FRAS1: variants seen among roughly 807,000 people sequenced by gnomAD.
FRAS1 encodes the protein Fraser extracellular matrix complex subunit 1, also known as extracellular matrix organizing protein FRAS1.
FRAS1 carries 290 observed loss-of-function variants against 435.2 expected under a neutral mutation model. The ratio of observed to expected loss-of-function variants is 0.67; its 90% CI spans 0.61 to 0.73. FRAS1 has a LOEUF of 0.73. Ranked by LOEUF, FRAS1 falls within the 30% of genes least tolerant of loss-of-function variation. FRAS1 has a pLI of 0.00. For missense variants in FRAS1, 4,860 were observed against 5,001.5 expected (o/e 0.97, Z 0.85); for synonymous variants, 1,800 against 1,851.0 (o/e 0.97, Z 0.71).
In FRAS1 at chr4:78,401,909, G is replaced by A. The variant is rs374351853; in HGVS notation, c.4129+1022G>A. Reference sequence around the variant, plus strand: ...AAACTAATAGAAACTACCACAGAAGGCCTACTCTCTGCTAGGCTACGTGGG... The same window carrying A: ...AAACTAATAGAAACTACCACAGAAGACCTACTCTCTGCTAGGCTACGTGGG... On this transcript the variant is annotated intron_variant, in intron 30 of 73. Transcript: ENST00000512123. 4.5e-4 allele frequency among the ~76,000 whole-genome samples: 68 copies of A among 151,730 alleles called. No individual in the cohort carries two copies. The East Asian group carries it at 9.7e-3, about 22-fold the overall frequency.
At chr4:78,268,350 G>C (rs1180295821) in intron 9 of FRAS1, among the ~76,000 whole-genome samples, 2 of 152,172 alleles carry the variant, frequency 1.3e-5, no homozygotes, top group Non-Finnish European at 2.9e-5. Context: ...CCTCCTACTT[G>C]TAGGTCTTGA....
chr4:78,332,461 C>G (rs1025339324), intron 18 of FRAS1, among the ~76,000 whole-genome samples: 1 of 152,188 alleles, frequency 6.6e-6, no homozygotes, highest in Non-Finnish European at 1.5e-5. Flanking sequence ...CCTTTAGTCT[C>G]TTTTCACCTG....
intron 22 of FRAS1, among the ~76,000 whole-genome samples, chr4:78,367,095 G>A (rs185154296): frequency 6.6e-6 from 1 of 152,230 alleles, no homozygotes; most frequent in East Asian, 1.9e-4. Flanking sequence ...GGTTCCACGG[G>A]GGAATGAGTA....
chr4:78,202,792 C>A (rs1723097687), intron 2 of FRAS1, among the ~76,000 whole-genome samples: 1 of 152,218 alleles, frequency 6.6e-6, no homozygotes, highest in South Asian at 2.1e-4. Flanking sequence ...AGCTCCCAAG[C>A]TCCCACACCC....
At chr4:78,145,663 A>T (rs1402602819) in intron 2 of FRAS1, among the ~76,000 whole-genome samples, 1 of 152,148 alleles carries the variant, frequency 6.6e-6, no homozygotes. Context: ...AAAACTTTTA[A>T]TTTTTTTCTT....
chr4:78,312,179 CATATATAT>C (rs10526590), intron 15 of FRAS1, among the ~76,000 whole-genome samples: 10 of 128,622 alleles, frequency 7.8e-5, no homozygotes, highest in Non-Finnish European at 1.2e-4. Flanking sequence ...ATCTGAAGTC[CATATATAT>C]ATATATATAT....
In FRAS1 at chr4:78,084,648, A is replaced by G. The variant is rs893395067; in HGVS notation, c.108+18632A>G. On this transcript the variant is annotated intron_variant, in intron 2 of 73. Transcript: ENST00000512123. Reference sequence around the variant, plus strand: ...AAACATGATCCCAGTAGACTCTGATAGATTCCTTGATTTCTGGAATGAAAG... The same window carrying G: ...AAACATGATCCCAGTAGACTCTGATGGATTCCTTGATTTCTGGAATGAAAG... Among the ~76,000 whole-genome samples, 9 of 152,238 alleles carry G rather than the reference A, an allele frequency of 5.9e-5. 1 individual carries two copies. The South Asian group carries it at 1.9e-3, about 32-fold the overall frequency.
chr4:78,273,526 G>A (rs141833946), intron 9 of FRAS1, among the ~76,000 whole-genome samples: 4 of 152,064 alleles, frequency 2.6e-5, no homozygotes, highest in African/African-American at 9.7e-5. Flanking sequence ...AGCATGAAGG[G>A]CTGTTGAATT....
chr4:78,119,035 A>G (rs1220903425), intron 2 of FRAS1, among the ~76,000 whole-genome samples: 1 of 151,142 alleles, frequency 6.6e-6, no homozygotes, highest in Admixed American at 6.6e-5. Flanking sequence ...ATTTTCTCCC[A>G]GTATAAACAT....
At position 78,499,732 on chromosome 4, in the gene FRAS1, G is replaced by A. The variant is rs752162886; in HGVS notation, c.9127G>A (p.Glu3043Lys). 2 of 1,613,710 alleles carry A rather than the reference G, an allele frequency of 1.2e-6. No homozygotes were observed. The highest frequency in any genetic ancestry group is 1.7e-6 in the Non-Finnish European group (2 of 1,179,746). Residue 3043 changes from glutamate (E) to lysine (K), a missense_variant, in exon 61 of 74, where the codon GAG becomes AAG. Coordinates refer to ENST00000512123, the MANE Select transcript of FRAS1 (RefSeq NM_025074.7). Reference protein sequence around the residue: ...ISNDEDAPTIEFEEAAYQVRE... With the variant: ...ISNDEDAPTIKFEEAAYQVRE... ...CCATATTTCCTTAGCCCCCACCATT[G>A]AGTTTGAAGAAGCTGCATACCAAGT...
chr4:78,296,522 G>A (rs1264083965), intron 14 of FRAS1, among the ~76,000 whole-genome samples: 2 of 152,164 alleles, frequency 1.3e-5, no homozygotes, highest in African/African-American at 4.8e-5. Context: ...TGTGACTGGG[G>A]AGGAGGAAGT....
At chr4:78,529,005 G>A (rs1457953463) in intron 70 of FRAS1, among the ~76,000 whole-genome samples, 1 of 152,140 alleles carries the variant, frequency 6.6e-6, no homozygotes, top group Non-Finnish European at 1.5e-5. Context: ...GACATGAGGT[G>A]GTAGAGAGCG....
At chr4:78,320,230 G>C (rs1729446856) in intron 18 of FRAS1, among the ~76,000 whole-genome samples, 1 of 152,158 alleles carries the variant, frequency 6.6e-6, no homozygotes, top group South Asian at 2.1e-4. Flanking sequence ...CCTCTCTGTG[G>C]CCATTTAAAC....
chr4:78,147,759 C>T (rs1336222292), intron 2 of FRAS1, among the ~76,000 whole-genome samples: 3 of 152,160 alleles, frequency 2.0e-5, no homozygotes, highest in Non-Finnish European at 4.4e-5. Flanking sequence ...CAACTCTTGT[C>T]ACTAGATGTG....
intron 2 of FRAS1, among the ~76,000 whole-genome samples, chr4:78,129,622 A>T (rs1325211178): frequency 1.3e-5 from 2 of 152,166 alleles, no homozygotes; most frequent in African/African-American, 2.4e-5. Flanking sequence ...AGGGTAGCTG[A>T]GGGCCAGCTT....
intron 38 of FRAS1, among the ~76,000 whole-genome samples, chr4:78,433,121 C>T (rs1206298613): frequency 6.6e-6 from 1 of 152,166 alleles, no homozygotes; most frequent in Admixed American, 6.5e-5. Flanking sequence ...CACCCTCCTT[C>T]TTTTGCCCCA....
intron 58 of FRAS1, 72 bp from the exon 59 acceptor site, chr4:78,488,803 T>G: frequency 1.4e-6 from 2 of 1,410,264 alleles, no homozygotes; most frequent in Admixed American, 2.0e-5. Flanking sequence ...TGCTGAAGGC[T>G]GACAAGGACC....
chr4:78,218,090 A>T (rs868558298), intron 2 of FRAS1, among the ~76,000 whole-genome samples: 5 of 14,548 alleles, frequency 3.4e-4, no homozygotes, highest in African/African-American at 4.1e-4. Context: ...TCTCTCTCTC[A>T]CTCTCTCTCA....
intron 47 of FRAS1, among the ~76,000 whole-genome samples, chr4:78,456,141 T>TTTTTTTC (rs748417198): frequency 0.16 from 16,734 of 106,498 alleles, 1,560 homozygotes; most frequent in Non-Finnish European, 0.21. Context: ...CATGTCACTT[T>TTTTTTTC]TTTTTTTTTT....
Sources: gnomAD v4.1 joint callset for allele counts (sites outside exome capture counted in the v4.1 genomes callset) on GRCh38, gnomAD v4.1.1 for gene constraint, MANE v1.5 for transcripts, NCBI Gene and HGNC (gene_info 2026-07-23, HGNC 2026-07-21) for gene names.